Variants in FGFR1 observed in about 807,000 individuals in gnomAD.
The protein encoded by FGFR1 is FGFR1/PLAG1 fusion.
In FGFR1, 18 loss-of-function variants were observed where a neutral mutation model predicts 93.7. That is an observed-to-expected ratio of 0.19 (90% CI 0.13 to 0.28). FGFR1 has a LOEUF of 0.28. Ranked by LOEUF, FGFR1 falls within the 10% of genes least tolerant of loss-of-function variation. The pLI, the probability that FGFR1 is intolerant of heterozygous loss-of-function variation, is 1.00. For missense variants in FGFR1, 731 were observed against 1,080.4 expected, an observed-to-expected ratio of 0.68 and a Z score of 4.53; for synonymous variants, 448 against 429.3, an observed-to-expected ratio of 1.04 and a Z score of -0.54.
intron 1 of FGFR1, among the ~76,000 whole-genome samples, chr8:38,462,805 T>C (rs1288392833): frequency 6.6e-6 from 1 of 151,920 alleles, no homozygotes; most frequent in Non-Finnish European, 1.5e-5. Flanking sequence ...GGTTTCACCA[T>C]GTTGGCCAGG....
chr8:38,439,517 C>T (rs1006628698), intron 2 of FGFR1, among the ~76,000 whole-genome samples: 5 of 152,154 alleles, frequency 3.3e-5, no homozygotes, highest in African/African-American at 1.2e-4. Context: ...CAGGACTGCA[C>T]AGGGCTCACA....
intron 3 of FGFR1, 127 bp from the exon 4 acceptor site, chr8:38,428,562 G>A (rs1821653364): frequency 4.1e-6 from 3 of 739,260 alleles, no homozygotes; most frequent in African/African-American, 1.7e-5. Flanking sequence ...CTCCCTTAGT[G>A]ATGATCTCTT....
At chr8:38,466,483 T>A (rs1460466913) in intron 1 of FGFR1, 3 of 231,280 alleles carry the variant, frequency 1.3e-5, no homozygotes, top group Non-Finnish European at 2.6e-5. Flanking sequence ...CTTGGCCCCA[T>A]CTCCCAAGAT....
chr8:38,420,095 G>A, intron 8 of FGFR1: 1 of 316,216 alleles, frequency 3.2e-6, no homozygotes, highest in Non-Finnish European at 6.1e-6. Context: ...GCCTTTCTTG[G>A]TCTCCTCAGG....
chr8:38,436,544 A>G (rs1825490714), intron 2 of FGFR1, among the ~76,000 whole-genome samples: 1 of 152,144 alleles, frequency 6.6e-6, no homozygotes, highest in Non-Finnish European at 1.5e-5. Flanking sequence ...TTCCTGGGTC[A>G]AAGCAGCTGG....
chr8:38,457,620 G>A (rs2151357691), intron 1 of FGFR1, 86 bp from the exon 2 acceptor site: 1 of 1,366,734 alleles, frequency 7.3e-7, no homozygotes, highest in East Asian at 2.5e-5. Context: ...TATGCCATGT[G>A]GTGGCTGCTT....
At chr8:38,455,219 TC>T (rs1204841061) in intron 2 of FGFR1, among the ~76,000 whole-genome samples, 1 of 152,120 alleles carries the variant, frequency 6.6e-6, no homozygotes, top group Admixed American at 6.5e-5. Flanking sequence ...CAAGCAATCC[TC>T]CTGCCTCGGC....
At chr8:38,445,158 C>T (rs1334248909) in intron 2 of FGFR1, among the ~76,000 whole-genome samples, 8 of 152,324 alleles carry the variant, frequency 5.3e-5, no homozygotes, top group Admixed American at 2.6e-4. Context: ...CCGTGCCCAT[C>T]GTGAGCACAA....
chr8:38,426,070 A>G lies in FGFR1; in HGVS notation c.745+52T>C, dbSNP rs1040434376. ...CTGGACACCCCGGCTGTGTTCTCCAAGCCTGGCTCTTCCCACTAAACTCAT... is the reference window on the plus strand; with the variant it reads ...CTGGACACCCCGGCTGTGTTCTCCAGGCCTGGCTCTTCCCACTAAACTCAT... On this transcript the variant is annotated intron_variant, in intron 6 of 17. Coordinates refer to ENST00000447712, the MANE Select transcript of FGFR1 (RefSeq NM_023110.3). The surrounding 1 kb of genome is among the most constrained non-coding windows in gnomAD (Gnocchi z 4.1). The G allele has an allele frequency of 2.9e-5, 47 of 1,613,094 alleles. No homozygotes were observed. In the African/African-American group the frequency reaches 5.7e-4, roughly 20 times the overall value.
chr8:38,454,438 C>T (rs975342666), intron 2 of FGFR1, among the ~76,000 whole-genome samples: 4 of 152,196 alleles, frequency 2.6e-5, no homozygotes, highest in Non-Finnish European at 4.4e-5. Flanking sequence ...TCCCCTCAAA[C>T]CTCCCACTCT....
Position 38,428,411 on chromosome 8 carries a change from T to A in FGFR1, c.383A>T (p.Asp128Val), listed in dbSNP as rs77734798. 6.2e-7 allele frequency: 1 copy of A among 1,613,782 alleles called. No individual in the cohort carries two copies. Among genetic ancestry groups the A allele is most frequent in the Non-Finnish European group, 8.5e-7 (1 of 1,179,950 alleles). Reference sequence around the variant, plus strand: ...TGAAGAGGAGTCATCATCATCATCATCATCCTCCGAGGAGGGGAGAGCATC... The same window carrying A: ...TGAAGAGGAGTCATCATCATCATCAACATCCTCCGAGGAGGGGAGAGCATC... The part of the protein sequence containing the change: ...VSDALPSSED[D>V]DDDDDSSSEE... The change falls in exon 4 of 18, where the codon GAT becomes GTT. Residue 128 changes from aspartate to valine, a missense_variant. Transcript: ENST00000447712.
At chr8:38,465,300 GA>G (rs2151474293) in intron 1 of FGFR1, 1 of 232,602 alleles carries the variant, frequency 4.3e-6, no homozygotes, top group East Asian at 6.1e-5. Flanking sequence ...TTCCCATTGG[GA>G]AAAATACCTC....
At chr8:38,438,258 C>T (rs145784197) in intron 2 of FGFR1, among the ~76,000 whole-genome samples, 44 of 152,216 alleles carry the variant, frequency 2.9e-4, no homozygotes, top group African/African-American at 9.9e-4. Flanking sequence ...TTATTATCTT[C>T]GGGCCCAGTG....
chr8:38,458,857 A>G (rs953416980), intron 1 of FGFR1: 4 of 221,080 alleles, frequency 1.8e-5, no homozygotes, highest in Admixed American at 5.8e-5. Flanking sequence ...AAAGAGCCTA[A>G]GAGTGTGGAG....
At chr8:38,449,017 G>A (rs560657279) in intron 2 of FGFR1, among the ~76,000 whole-genome samples, 1 of 152,108 alleles carries the variant, frequency 6.6e-6, no homozygotes, top group South Asian at 2.1e-4. Context: ...CCAGAGGATC[G>A]CTTGATCCCA....
At chr8:38,421,675 G>A (rs1818850305) in intron 8 of FGFR1, 122 bp downstream of exon 8, 1 of 1,030,274 alleles carries the variant, frequency 9.7e-7, no homozygotes, top group African/African-American at 1.6e-5. Context: ...TGTGGCACCA[G>A]GCAGGCAGGA....
At position 38,424,451 on chromosome 8, in the gene FGFR1, C is replaced by T. The variant is rs1207499277; in HGVS notation, c.936+58G>A. The T allele has an allele frequency of 6.2e-7, 1 of 1,603,152 alleles. No homozygotes were observed. Among genetic ancestry groups the T allele is most frequent in the Non-Finnish European group, 8.5e-7 (1 of 1,170,296 alleles). On this transcript the variant is annotated intron_variant, in intron 7 of 17. Transcript: ENST00000447712. The surrounding 1 kb of genome is among the most constrained non-coding windows in gnomAD (Gnocchi z 4.3). ...AGCCTGCCCACAGGAACTTGAGCCC[C>T]CGAGACAGTGGTCTCCTTCCCAGTA...
intron 6 of FGFR1, among the ~76,000 whole-genome samples, chr8:38,425,020 C>T (rs1030501815): frequency 6.6e-6 from 1 of 152,230 alleles, no homozygotes; most frequent in Non-Finnish European, 1.5e-5. Context: ...AAACCAGAGT[C>T]ACTTTGACTC....
rs1466028968 is a variant in FGFR1 at position 38,413,784 on chromosome 8, C to T, written c.2313G>A (p.Met771Ile). 2.5e-6 allele frequency: 4 copies of T among 1,614,032 alleles called. No homozygotes were observed. Among genetic ancestry groups the T allele is most frequent in the Non-Finnish European group, 2.5e-6 (3 of 1,179,976 alleles). The part of the protein sequence containing the change: ...TSNQEYLDLS[M>I]PLDQYSPSFP... Reference sequence around the variant, plus strand: ...AGCTGGGGGAGTACTGGTCCAGGGGCATGGACAGGTCCAGGTACTCCTGTG... The same window carrying T: ...AGCTGGGGGAGTACTGGTCCAGGGGTATGGACAGGTCCAGGTACTCCTGTG... Residue 771 changes from methionine (M) to isoleucine (I), a missense_variant, in exon 18 of 18, where the codon ATG (methionine) becomes ATA (isoleucine). Around this residue, in one of 10 missense-constraint regions of FGFR1, gnomAD observed 79 missense variants for 97.2 expected, o/e 0.81. Transcript: ENST00000447712. This position sits in a 1 kb window ranked among gnomAD's most constrained non-coding sequence, Gnocchi z 4.2.
Sources: allele counts gnomAD v4.1 joint callset (sites outside exome capture counted in the v4.1 genomes callset), GRCh38; gene constraint gnomAD v4.1.1; regional missense constraint gnomAD v4.1.1; non-coding constraint Gnocchi (gnomAD v3.1); transcripts MANE v1.5; gene names NCBI Gene and HGNC (gene_info 2026-07-23, HGNC 2026-07-21).